CNTN4: variants seen among roughly 807,000 people sequenced by gnomAD.
CNTN4 encodes the protein contactin 4.
A neutral mutation model predicts 122.5 loss-of-function variants in CNTN4; 77 were observed. The ratio of observed to expected loss-of-function variants is 0.63; its 90% CI spans 0.52 to 0.76. The LOEUF is 0.76. CNTN4 is among the 30% of genes least tolerant of loss of function. The pLI is 0.00. For synonymous variants in CNTN4, 512 were observed against 447.0 expected (o/e 1.15, Z -1.83); for missense variants, 1,256 against 1,259.1 (o/e 1.00, Z 0.04).
At chr3:2,875,297 T>C (rs1451181807) in intron 8 of CNTN4, among the ~76,000 whole-genome samples, 1 of 152,178 alleles carries the variant, frequency 6.6e-6, no homozygotes, top group Non-Finnish European at 1.5e-5. Flanking sequence ...GTATCTTATC[T>C]TTAATCACAT....
intron 3 of CNTN4, among the ~76,000 whole-genome samples, chr3:2,521,527 C>A (rs1012376545): frequency 1.3e-5 from 2 of 152,026 alleles, no homozygotes; most frequent in Non-Finnish European, 2.9e-5. Context: ...AGGAAGGAAG[C>A]ATTTTGAGCT....
At chr3:2,617,419 CT>C (rs71058631) in intron 4 of CNTN4, among the ~76,000 whole-genome samples, 81 of 108,516 alleles carry the variant, frequency 7.5e-4, no homozygotes, top group Middle Eastern at 6.9e-3. Flanking sequence ...AGAGAAATGC[CT>C]TTTTTTTTTT....
chr3:2,854,097 A>G (rs11712341), intron 7 of CNTN4, among the ~76,000 whole-genome samples: 120,750 of 152,012 alleles, frequency 0.79, 48,241 homozygotes, highest in African/African-American at 0.86. Context: ...TAAAGGTCCA[A>G]ATAAAAGAAC....
intron 2 of CNTN4, among the ~76,000 whole-genome samples, chr3:2,102,329 A>G (rs2032044292): frequency 6.6e-6 from 1 of 152,184 alleles, no homozygotes; most frequent in South Asian, 2.1e-4. Flanking sequence ...GTAGTTCCTT[A>G]ATTTCTGTGA....
chr3:2,676,036 G>T (rs369152687), intron 4 of CNTN4, among the ~76,000 whole-genome samples: 4 of 152,090 alleles, frequency 2.6e-5, no homozygotes, highest in African/African-American at 7.2e-5. Flanking sequence ...TTTCTTTTCA[G>T]ATTGTATAAA....
chr3:2,393,747 G>A (rs1290094114), intron 3 of CNTN4, among the ~76,000 whole-genome samples: 3 of 152,090 alleles, frequency 2.0e-5, no homozygotes, highest in African/African-American at 7.2e-5. Context: ...TACCTAAAGA[G>A]ATCAAGGAAA....
At position 2,462,683 on chromosome 3, in the gene CNTN4, A is replaced by G. The variant is rs1345798153; in HGVS notation, c.-88-108733A>G. Among the ~76,000 whole-genome samples the G allele has an allele frequency of 4.6e-5, 7 of 152,194 alleles. No homozygotes were observed. In the South Asian group the frequency reaches 1.0e-3, roughly 22 times the overall value. On this transcript the variant is annotated intron_variant, in intron 3 of 24. Coordinates refer to ENST00000418658, the MANE Select transcript of CNTN4 (RefSeq NM_175607.3). ...AAAAATATTTTTATACCTACATTGT[A>G]TATTTCTCACAAGAGTTTCCAAGTA...
Position 3,000,547 on chromosome 3 carries a change from G to T in CNTN4, c.1486+12075G>T, listed in dbSNP as rs924955068. ...TAAAAGGAAAATTTTCAAACAATTA[G>T]GCCATTGGCCTATTATGTATGACAT... On this transcript the variant is annotated intron_variant, in intron 14 of 24. Coordinates refer to ENST00000418658, the MANE Select transcript of CNTN4 (RefSeq NM_175607.3). Among the ~76,000 whole-genome samples, 2 of 152,224 alleles carry T rather than the reference G, an allele frequency of 1.3e-5. 1 individual carries two copies. The highest frequency in any genetic ancestry group is 1.3e-4 in the Admixed American group (2 of 15,286).
chr3:2,759,207 T>C (rs554164948), intron 6 of CNTN4, among the ~76,000 whole-genome samples: 2 of 152,228 alleles, frequency 1.3e-5, no homozygotes, highest in East Asian at 1.9e-4. Context: ...CCAGGCTGGA[T>C]TGCAATGGTG....
chr3:2,217,106 C>G (rs1356379769), intron 2 of CNTN4, among the ~76,000 whole-genome samples: 1 of 152,138 alleles, frequency 6.6e-6, no homozygotes, highest in African/African-American at 2.4e-5. Flanking sequence ...AAGTTTCTCT[C>G]CCAAGGATTG....
At chr3:2,770,536 G>C (rs2091052828) in intron 6 of CNTN4, among the ~76,000 whole-genome samples, 1 of 152,202 alleles carries the variant, frequency 6.6e-6, no homozygotes, top group South Asian at 2.1e-4. Flanking sequence ...TATCATAAAA[G>C]CTTCAGATCT....
chr3:2,746,482 G>T (rs1332660484), intron 6 of CNTN4, among the ~76,000 whole-genome samples: 1 of 152,224 alleles, frequency 6.6e-6, no homozygotes, highest in Non-Finnish European at 1.5e-5. Flanking sequence ...ATACATTTGG[G>T]TATAGCCACC....
chr3:2,977,514 T>C (rs1389288387), intron 13 of CNTN4, among the ~76,000 whole-genome samples: 1 of 151,990 alleles, frequency 6.6e-6, no homozygotes, highest in Non-Finnish European at 1.5e-5. Context: ...ATTGTTATTA[T>C]ATCACCGAGA....
rs926068346 is a variant in CNTN4, at chr3:2,419,086, G to A, written c.-89+79853G>A. Among the ~76,000 whole-genome samples, 34 of 152,122 alleles carry A rather than the reference G, an allele frequency of 2.2e-4. 1 individual carries two copies. The highest frequency in any genetic ancestry group is 8.3e-4 in the South Asian group (4 of 4,832). ...GAAGTTAAATGGCTATATGGTTCAC[G>A]TTTAAAAATAATTTCTAAAAATTGG... On this transcript the variant is annotated intron_variant, in intron 3 of 24. Transcript: ENST00000418658.
chr3:2,969,234 C>T (rs564085860), intron 13 of CNTN4, among the ~76,000 whole-genome samples: 1 of 152,272 alleles, frequency 6.6e-6, no homozygotes, highest in African/African-American at 2.4e-5. Context: ...CAAATGACCC[C>T]TAGCGGATTA....
intron 10 of CNTN4, among the ~76,000 whole-genome samples, chr3:2,894,575 A>G (rs2094085090): frequency 6.6e-6 from 1 of 152,196 alleles, no homozygotes; most frequent in African/African-American, 2.4e-5. Flanking sequence ...GATATTCCAT[A>G]TATTAGTAGT....
chr3:2,979,043 G>C (rs1553713674), intron 13 of CNTN4, among the ~76,000 whole-genome samples: 1 of 152,228 alleles, frequency 6.6e-6, no homozygotes, highest in Non-Finnish European at 1.5e-5. Context: ...TTCAAAGGTA[G>C]AGGAGGAAGC....
chr3:2,444,974 T>TC (rs1044739146), intron 3 of CNTN4, among the ~76,000 whole-genome samples: 14 of 149,936 alleles, frequency 9.3e-5, no homozygotes, highest in African/African-American at 3.0e-4. Flanking sequence ...AAATGCCGCA[T>TC]CCCCCCACCC....
chr3:2,852,501 T>A (rs953248039), intron 7 of CNTN4, among the ~76,000 whole-genome samples: 1 of 152,174 alleles, frequency 6.6e-6, no homozygotes, highest in African/African-American at 2.4e-5. Context: ...TCAACAATAA[T>A]AATAATAAAC....
Sources: allele counts gnomAD v4.1 joint callset (sites outside exome capture counted in the v4.1 genomes callset), GRCh38; gene constraint gnomAD v4.1.1; transcripts MANE v1.5; gene names NCBI Gene and HGNC (gene_info 2026-07-23, HGNC 2026-07-21).